The following TMEM163 variants were observed in gnomAD, a reference collection of about 807,000 sequenced individuals.
The protein encoded by TMEM163 is transmembrane protein 163.
Under a neutral mutation model 29.3 loss-of-function variants are expected in TMEM163, and 17 were observed. That is an observed-to-expected ratio of 0.58 (90% CI 0.40 to 0.87). The LOEUF (loss-of-function observed/expected upper bound fraction) is 0.87, where lower values mean the gene tolerates loss of function less well. TMEM163 is among the 40% of genes least tolerant of loss of function. The pLI is 0.00. For synonymous variants in TMEM163, 157 were observed against 160.6 expected (o/e 0.98, Z 0.17); for missense variants, 303 against 381.5 (o/e 0.79, Z 1.71).
chr2:134,669,451 C>T (rs1273344925), intron 2 of TMEM163, among the ~76,000 whole-genome samples: 7 of 152,212 alleles, frequency 4.6e-5, no homozygotes, highest in African/African-American at 1.7e-4. Context: ...TACAGATTCT[C>T]TAACACCCTC....
chr2:134,654,391 A>T, intron 2 of TMEM163, among the ~76,000 whole-genome samples: 1 of 62,090 alleles, frequency 1.6e-5, no homozygotes, highest in Non-Finnish European at 2.9e-5. Context: ...TTTGTTTTCC[A>T]TTTGCTTGGT....
At chr2:134,612,286 G>C (rs1682521222) in intron 2 of TMEM163, among the ~76,000 whole-genome samples, 1 of 152,170 alleles carries the variant, frequency 6.6e-6, no homozygotes, top group African/African-American at 2.4e-5. Flanking sequence ...GCTGCCTCTA[G>C]TAGTCAAGGC....
At chr2:134,603,033 T>C (rs533727897) in intron 2 of TMEM163, among the ~76,000 whole-genome samples, 1 of 152,238 alleles carries the variant, frequency 6.6e-6, no homozygotes, top group African/African-American at 2.4e-5. Flanking sequence ...AGGACTGATC[T>C]CACCTCCAAA....
At chr2:134,646,727 G>A (rs1319166625) in intron 2 of TMEM163, among the ~76,000 whole-genome samples, 1 of 152,194 alleles carries the variant, frequency 6.6e-6, no homozygotes, top group Non-Finnish European at 1.5e-5. Context: ...TTATAGGCAT[G>A]AGCCACCATG....
chr2:134,660,256 T>C (rs1378266687), intron 2 of TMEM163, among the ~76,000 whole-genome samples: 1 of 152,094 alleles, frequency 6.6e-6, no homozygotes, highest in Non-Finnish European at 1.5e-5. Context: ...GATTAATTTC[T>C]AACTAAAAAA....
intron 2 of TMEM163, among the ~76,000 whole-genome samples, chr2:134,630,413 G>A (rs1558970520): frequency 6.6e-6 from 1 of 151,856 alleles, no homozygotes; most frequent in Middle Eastern, 3.4e-3. Context: ...TTTCAAATCA[G>A]TGATGTCTTC....
At chr2:134,662,270 T>C (rs1009956506) in intron 2 of TMEM163, among the ~76,000 whole-genome samples, 6 of 152,180 alleles carry the variant, frequency 3.9e-5, no homozygotes, top group Admixed American at 6.5e-5. Context: ...ATTGCCACCC[T>C]TGGAAACAAG....
intron 5 of TMEM163, among the ~76,000 whole-genome samples, chr2:134,472,250 G>C (rs907875563): frequency 1.3e-5 from 2 of 152,152 alleles, no homozygotes; most frequent in African/African-American, 4.8e-5. Flanking sequence ...CTAGGAAAAG[G>C]GTTATCACAA....
intron 2 of TMEM163, among the ~76,000 whole-genome samples, chr2:134,712,676 T>G (rs1265870190): frequency 6.6e-6 from 1 of 152,176 alleles, no homozygotes; most frequent in Non-Finnish European, 1.5e-5. Flanking sequence ...CCTTAGTTTT[T>G]CTTAATTGTA....
chr2:134,629,363 T>C lies in TMEM163; in HGVS notation c.323-77272A>G, dbSNP rs577812111. On this transcript the variant is annotated intron_variant, in intron 2 of 7. Coordinates refer to ENST00000281924, the MANE Select transcript of TMEM163 (RefSeq NM_030923.5). Reference sequence around the variant, plus strand: ...AATCGTTTCTTCTCAGAAGTGAGATTACAGGATGAAAAGATGTGGTCTTGA... The same window carrying C: ...AATCGTTTCTTCTCAGAAGTGAGATCACAGGATGAAAAGATGTGGTCTTGA... 6.6e-5 allele frequency among the ~76,000 whole-genome samples: 10 copies of C among 152,332 alleles called. No individual in the cohort carries two copies. The East Asian group carries it at 1.9e-3, about 29-fold the overall frequency.
At chr2:134,483,166 C>T (rs1297719064) in intron 5 of TMEM163, among the ~76,000 whole-genome samples, 1 of 152,152 alleles carries the variant, frequency 6.6e-6, no homozygotes, top group Non-Finnish European at 1.5e-5. Context: ...AAGGAAGCAC[C>T]GTCAGTTTGC....
chr2:134,531,414 C>T (rs987064575), intron 4 of TMEM163, among the ~76,000 whole-genome samples: 4 of 152,298 alleles, frequency 2.6e-5, no homozygotes, highest in East Asian at 3.9e-4. Context: ...ACTACCCACT[C>T]GGTGACGGTG....
chr2:134,518,446 T>A (rs1680120667), intron 4 of TMEM163, among the ~76,000 whole-genome samples: 1 of 152,210 alleles, frequency 6.6e-6, no homozygotes, highest in Non-Finnish European at 1.5e-5. Context: ...TCCACACCCA[T>A]TATCATCCTG....
chr2:134,481,472 G>C (rs1012804279), intron 5 of TMEM163, among the ~76,000 whole-genome samples: 2 of 151,984 alleles, frequency 1.3e-5, no homozygotes, highest in Admixed American at 6.6e-5. Context: ...TCCTGCACAA[G>C]CTCTCTTATC....
At chr2:134,496,234 G>A (rs1679557005) in intron 5 of TMEM163, among the ~76,000 whole-genome samples, 1 of 151,918 alleles carries the variant, frequency 6.6e-6, no homozygotes, top group Admixed American at 6.6e-5. Flanking sequence ...GCTAATTTTT[G>A]TATTTTTAGT....
intron 2 of TMEM163, among the ~76,000 whole-genome samples, chr2:134,614,960 C>T (rs1160833059): frequency 6.6e-6 from 1 of 151,784 alleles, no homozygotes; most frequent in African/African-American, 2.4e-5. Context: ...AGACAAAAGG[C>T]ATACCTAGAA....
chr2:134,668,276 C>T (rs945675741), intron 2 of TMEM163, among the ~76,000 whole-genome samples: 7 of 152,148 alleles, frequency 4.6e-5, no homozygotes, highest in South Asian at 2.1e-4. Context: ...TTCTCATCAG[C>T]GCTCATCAGT....
intron 4 of TMEM163, among the ~76,000 whole-genome samples, chr2:134,515,579 G>C (rs1422623906): frequency 6.6e-6 from 1 of 152,136 alleles, no homozygotes; most frequent in African/African-American, 2.4e-5. Flanking sequence ...GTTCACAGTA[G>C]TGTTATTTAT....
Position 134,669,944 on chromosome 2 carries a change from C to A in TMEM163, c.322+43256G>T, listed in dbSNP as rs548029795. On this transcript the variant is annotated intron_variant, in intron 2 of 7. Coordinates refer to ENST00000281924, the MANE Select transcript of TMEM163 (RefSeq NM_030923.5). ...TGTGAGGAAGAAGCCTGTGAGATGACCCTAGCCCCAGCAACCCTCCAACTG... is the reference window on the plus strand; with the variant it reads ...TGTGAGGAAGAAGCCTGTGAGATGAACCTAGCCCCAGCAACCCTCCAACTG... 2.4e-4 allele frequency among the ~76,000 whole-genome samples: 36 copies of A among 152,274 alleles called. 3 individuals are homozygous for A. In the South Asian group the frequency reaches 6.2e-3, roughly 26 times the overall value.
Sources: allele counts gnomAD v4.1 joint callset (sites outside exome capture counted in the v4.1 genomes callset), GRCh38; gene constraint gnomAD v4.1.1; transcripts MANE v1.5; gene names NCBI Gene and HGNC (gene_info 2026-07-23, HGNC 2026-07-21).